Variants in ULK4 observed in about 807,000 individuals in gnomAD.
ULK4 encodes the protein inactive serine/threonine-protein kinase ULK4.
In ULK4, 133 loss-of-function variants were observed where a neutral mutation model predicts 160.6. The ratio of observed to expected loss-of-function variants is 0.83; its 90% confidence interval spans 0.72 to 0.96. ULK4 has a LOEUF of 0.96. Among genes scored for constraint, ULK4 ranks in the 40% least tolerant of loss-of-function variants. ULK4 has a pLI of 0.00. For synonymous variants in ULK4, 534 were observed against 539.8 expected (o/e 0.99, Z 0.15); for missense variants, 1,580 against 1,499.5 (o/e 1.05, Z -0.89).
chr3:41,338,543 T>A (rs1575446034), intron 35 of ULK4, among the ~76,000 whole-genome samples: 1 of 152,058 alleles, frequency 6.6e-6, no homozygotes, highest in African/African-American at 2.4e-5. Flanking sequence ...AAATTCCTAA[T>A]GTGAGGTGAT....
intron 35 of ULK4, among the ~76,000 whole-genome samples, chr3:41,296,927 G>C (rs1188409687): frequency 1.3e-5 from 2 of 152,156 alleles, no homozygotes; most frequent in Non-Finnish European, 2.9e-5. Context: ...AGGAAGAAGA[G>C]AGGGATGGAG....
intron 17 of ULK4, among the ~76,000 whole-genome samples, chr3:41,836,611 C>G (rs758813985): frequency 5.9e-5 from 9 of 152,164 alleles, no homozygotes; most frequent in Non-Finnish European, 1.2e-4. Context: ...CTTGGACAGC[C>G]AGGATCCTAA....
intron 32 of ULK4, among the ~76,000 whole-genome samples, chr3:41,480,919 A>G (rs151186402): frequency 2.5e-4 from 38 of 152,304 alleles, no homozygotes; most frequent in African/African-American, 8.9e-4. Flanking sequence ...CAGCCTGGAG[A>G]TAACTGTCCC....
At chr3:41,406,183 T>C (rs577584748) in intron 34 of ULK4, among the ~76,000 whole-genome samples, 1 of 152,368 alleles carries the variant, frequency 6.6e-6, no homozygotes, top group African/African-American at 2.4e-5. Context: ...TTCTTTTGCA[T>C]ATGGCTAGCC....
intron 5 of ULK4, among the ~76,000 whole-genome samples, chr3:41,920,422 C>T (rs1030490359): frequency 3.3e-5 from 5 of 152,160 alleles, no homozygotes; most frequent in African/African-American, 1.2e-4. Context: ...GTGAAAAGCC[C>T]CATTGTGTGC....
intron 35 of ULK4, among the ~76,000 whole-genome samples, chr3:41,345,956 A>G (rs1244121233): frequency 1.3e-5 from 2 of 152,016 alleles, no homozygotes. Context: ...GTGTTGGGAG[A>G]TAACACTGTT....
chr3:41,777,812 T>C lies in ULK4; in HGVS notation c.2193+11849A>G, dbSNP rs1022820759. 2.1e-5 allele frequency among the ~76,000 whole-genome samples: 3 copies of C among 141,716 alleles called. 1 individual carries two copies. The highest frequency in any genetic ancestry group is 8.1e-5 in the African/African-American group (3 of 37,164). The allele number at this position is 141,716 out of a possible 152,430, so 93.0% of individuals were successfully genotyped here. A position where few individuals can be genotyped will look rare whatever the true frequency, so the allele number is the denominator to read the frequency against. On this transcript the variant is annotated intron_variant, in intron 21 of 36. Transcript: ENST00000301831. Reference sequence around the variant, plus strand: ...ATAGTTTGTTATAATTTCTGTTCTTTTACATTTGCTGAGGAGAGCTTTACT... The same window carrying C: ...ATAGTTTGTTATAATTTCTGTTCTTCTACATTTGCTGAGGAGAGCTTTACT...
Position 41,895,407 on chromosome 3 carries a change from A to G in ULK4, c.1577+111T>C, listed in dbSNP as rs1297116709. The G allele has an allele frequency of 6.7e-5, 37 of 553,828 alleles. 1 individual carries two copies. In the East Asian group the frequency reaches 1.4e-3, roughly 21 times the overall value. 34.3% of individuals were successfully genotyped at this position (553,828 alleles called of 1,614,324 possible). On this transcript the variant is annotated intron_variant, in intron 16 of 36. Transcript: ENST00000301831. Reference sequence around the variant, plus strand: ...TGCCTATGAGTAGAGTCATCATTACATCAGAATAATTTATGATAATTATTT... The same window carrying G: ...TGCCTATGAGTAGAGTCATCATTACGTCAGAATAATTTATGATAATTATTT...
intron 21 of ULK4, among the ~76,000 whole-genome samples, chr3:41,781,402 G>A (rs2039836820): frequency 6.9e-6 from 1 of 145,032 alleles, no homozygotes; most frequent in Non-Finnish European, 1.5e-5. Context: ...GGGCAACAGA[G>A]CGAGACTCCA....
At chr3:41,537,656 ATACT>A (rs375458941) in intron 32 of ULK4, among the ~76,000 whole-genome samples, 54 of 152,312 alleles carry the variant, frequency 3.5e-4, no homozygotes, top group Non-Finnish European at 6.8e-4. Flanking sequence ...TAAATGCAAG[ATACT>A]TACTAATTCC....
intron 32 of ULK4, among the ~76,000 whole-genome samples, chr3:41,530,594 G>A (rs1221156129): frequency 6.6e-6 from 1 of 152,140 alleles, no homozygotes; most frequent in Non-Finnish European, 1.5e-5. Context: ...TCACAGCCCA[G>A]CCTACAGCTG....
rs550913539 is a variant in ULK4 at position 41,616,405 on chromosome 3, C to A, written c.3072-688G>T. Among the ~76,000 whole-genome samples the A allele has an allele frequency of 5.6e-4, 85 of 152,330 alleles. 1 individual carries two copies. Among genetic ancestry groups the A allele is most frequent in the African/African-American group, 2.0e-3 (83 of 41,580 alleles). On this transcript the variant is annotated intron_variant, in intron 30 of 36. Transcript: ENST00000301831. ...TCTGCAGCTCCCAGCAAGACCAACA[C>A]AGAAGGCAGGTATTTCTGCATTTCC... is the stretch of plus-strand genomic sequence containing the variant.
chr3:41,471,598 G>C (rs2083993173), intron 32 of ULK4, among the ~76,000 whole-genome samples: 1 of 152,148 alleles, frequency 6.6e-6, no homozygotes, highest in Non-Finnish European at 1.5e-5. Flanking sequence ...GTGAGGACAA[G>C]TCTTGACATG....
intron 34 of ULK4, among the ~76,000 whole-genome samples, chr3:41,427,070 A>G (rs1003382841): frequency 1.3e-4 from 20 of 152,214 alleles, no homozygotes; most frequent in Non-Finnish European, 2.8e-4. Flanking sequence ...ATAAAAAATG[A>G]TAAAGGGGAT....
chr3:41,812,183 G>T (rs1045725122), intron 19 of ULK4, among the ~76,000 whole-genome samples: 4 of 152,144 alleles, frequency 2.6e-5, no homozygotes, highest in Non-Finnish European at 4.4e-5. Flanking sequence ...CTACTCAGAG[G>T]CTGAGGTGGG....
At position 41,789,805 on chromosome 3, in the gene ULK4, G is replaced by A; in HGVS notation, c.2049C>T (p.Phe683=). 1.2e-6 allele frequency: 2 copies of A among 1,613,080 alleles called. No individual in the cohort carries two copies. Among genetic ancestry groups the A allele is most frequent in the Non-Finnish European group, 1.7e-6 (2 of 1,179,656 alleles). Residue 683 remains phenylalanine (F), a synonymous_variant, in exon 21 of 37, where the codon TTC becomes TTT. Coordinates refer to ENST00000301831, the MANE Select transcript of ULK4 (RefSeq NM_017886.4). ...CRITRHSPTA[F]QNVIEKVGLN... Reference sequence around the variant, plus strand: ...GTCCCACCTTTTCAATAACATTCTGGAAGGCAGTAGGAGAATGGCGAGTGA... The same window carrying A: ...GTCCCACCTTTTCAATAACATTCTGAAAGGCAGTAGGAGAATGGCGAGTGA...
chr3:41,332,055 C>G (rs1202149577), intron 35 of ULK4, among the ~76,000 whole-genome samples: 1 of 151,948 alleles, frequency 6.6e-6, no homozygotes, highest in Non-Finnish European at 1.5e-5. Context: ...TGTAGAAATA[C>G]AAGCCATTAA....
intron 17 of ULK4, among the ~76,000 whole-genome samples, chr3:41,859,824 ATTT>A (rs397875093): frequency 0.012 from 1,424 of 115,872 alleles, 24 homozygotes; most frequent in African/African-American, 0.047. Flanking sequence ...TGCCTGGCTA[ATTT>A]TTTTTTTTTT....
At chr3:41,427,111 A>G (rs1575545070) in intron 34 of ULK4, among the ~76,000 whole-genome samples, 1 of 152,184 alleles carries the variant, frequency 6.6e-6, no homozygotes, top group Admixed American at 6.5e-5. Flanking sequence ...AACATAAACA[A>G]TCACCAAACA....
Sources: allele counts gnomAD v4.1 joint callset (sites outside exome capture counted in the v4.1 genomes callset), GRCh38; gene constraint gnomAD v4.1.1; transcripts MANE v1.5; gene names NCBI Gene and HGNC (gene_info 2026-07-23, HGNC 2026-07-21).